ALMS1: variants seen among roughly 807,000 people sequenced by gnomAD.
The protein encoded by ALMS1 is centrosome-associated protein ALMS1.
A neutral mutation model predicts 352.2 loss-of-function variants in ALMS1; 271 were observed. That is an observed-to-expected ratio of 0.77 (90% confidence interval 0.70 to 0.85). The LOEUF is 0.85. Among genes scored for constraint, ALMS1 ranks in the 40% least tolerant of loss-of-function variants. The pLI is 0.00. For missense variants in ALMS1, 5,445 were observed against 4,870.7 expected (o/e 1.12, Z -3.51); for synonymous variants, 1,865 against 1,761.2 (o/e 1.06, Z -1.48).
Position 73,489,631 on chromosome 2 carries a change from T to C in ALMS1, c.7675-3T>C. On this transcript the variant is annotated splice_region_variant and splice_polypyrimidine_tract_variant and intron_variant, in intron 9 of 22. Coordinates refer to ENST00000613296, the MANE Select transcript of ALMS1 (RefSeq NM_001378454.1). ...TAAGAACCTGTTTGTTTGTATCTTC[T>C]AGGGTTTACAGAGTCCACGGGGAAT... 1 of 1,614,158 alleles carries C rather than the reference T, an allele frequency of 6.2e-7. No individual in the cohort carries two copies. The highest frequency in any genetic ancestry group is 8.5e-7 in the Non-Finnish European group (1 of 1,180,036).
At position 73,432,192 on chromosome 2, in the gene ALMS1, C is replaced by T. The variant is rs1553401597; in HGVS notation, c.1339-6C>T. On this transcript the variant is annotated splice_region_variant and splice_polypyrimidine_tract_variant and intron_variant, in intron 6 of 22. Transcript: ENST00000613296. Reference sequence around the variant, plus strand: ...ATTTTTATTGCCTTCATTTGTTCCACATAAGCCAACAAGAGAGTCGGAATA... The same window carrying T: ...ATTTTTATTGCCTTCATTTGTTCCATATAAGCCAACAAGAGAGTCGGAATA... The T allele has an allele frequency of 6.2e-7, 1 of 1,607,918 alleles. No individual in the cohort carries two copies. Among genetic ancestry groups the T allele is most frequent in the African/African-American group, 1.3e-5 (1 of 74,900 alleles).
At chr2:73,412,049 C>T (rs868439321) in intron 2 of ALMS1, among the ~76,000 whole-genome samples, 3 of 152,138 alleles carry the variant, frequency 2.0e-5, no homozygotes, top group African/African-American at 7.2e-5. Context: ...TTCCTGATAT[C>T]CTATGCTCAT....
chr2:73,453,473 T>G lies in ALMS1; in HGVS notation c.6946T>G (p.Leu2316Val), dbSNP rs1430520183. Residue 2316 changes from leucine to valine, a missense_variant, in exon 8 of 23, where the codon TTG becomes GTG. Coordinates refer to ENST00000613296, the MANE Select transcript of ALMS1 (RefSeq NM_001378454.1). ...PSSTGVSNGDLLHRQPFTEES... is the reference protein window; with the variant it reads ...PSSTGVSNGDVLHRQPFTEES... ...TTCCACGGGTGTATCTAATGGTGAT[T>G]TGCTTCACAGACAGCCATTCACAGA... The G allele has an allele frequency of 6.2e-7, 1 of 1,613,402 alleles. No homozygotes were observed. Among genetic ancestry groups the G allele is most frequent in the Non-Finnish European group, 8.5e-7 (1 of 1,179,678 alleles).
intron 14 of ALMS1, among the ~76,000 whole-genome samples, chr2:73,558,106 T>A (rs1034197287): frequency 6.6e-6 from 1 of 152,210 alleles, no homozygotes; most frequent in African/African-American, 2.4e-5. Flanking sequence ...TTTTGCATTC[T>A]ATTGGCCAGA....
intron 10 of ALMS1, among the ~76,000 whole-genome samples, chr2:73,500,331 T>C (rs1442918262): frequency 6.6e-6 from 1 of 152,194 alleles, no homozygotes; most frequent in Non-Finnish European, 1.5e-5. Flanking sequence ...GTTGTCTGTG[T>C]GTGTGCCTAG....
At chr2:73,429,434 A>G (rs1671458026) in intron 6 of ALMS1, among the ~76,000 whole-genome samples, 1 of 151,936 alleles carries the variant, frequency 6.6e-6, no homozygotes, top group African/African-American at 2.4e-5. Flanking sequence ...GGTGCCTGCC[A>G]CTATGCCTGG....
intron 6 of ALMS1, among the ~76,000 whole-genome samples, chr2:73,430,808 CACA>C (rs1264671356): frequency 6.6e-6 from 1 of 152,022 alleles, no homozygotes; most frequent in South Asian, 2.1e-4. Context: ...GTGATGTTTG[CACA>C]ACAACAAAAT....
rs749283920 is a variant in ALMS1 at position 73,519,871 on chromosome 2, C to T, written c.9636C>T (p.Thr3212=). Residue 3212 remains threonine (T), a synonymous_variant, in exon 11 of 23, where the codon ACC becomes ACT. Transcript: ENST00000613296. ...TQITTESPEK[T]LFSSEIFINA... is the part of the protein sequence containing the mutation. ...TAACAACAGAAAGTCCAGAAAAGAC[C>T]CTATTTTCATCTGAGATTTTTATTA... 3.1e-6 allele frequency: 5 copies of T among 1,613,868 alleles called. No individual in the cohort carries two copies. The highest frequency in any genetic ancestry group is 3.3e-5 in the Admixed American group (2 of 59,984).
At chr2:73,517,261 T>TTTTTTTTTTTTTC (rs1673579487) in intron 10 of ALMS1, among the ~76,000 whole-genome samples, 4 of 147,074 alleles carry the variant, frequency 2.7e-5, no homozygotes, top group Non-Finnish European at 5.9e-5. Flanking sequence ...TTTTTTTTTT[T>TTTTTTTTTTTTTC]TTCTTATAGA....
intron 12 of ALMS1, among the ~76,000 whole-genome samples, chr2:73,544,275 C>T (rs1392142038): frequency 6.6e-6 from 1 of 152,070 alleles, no homozygotes; most frequent in Non-Finnish European, 1.5e-5. Context: ...GACAAAAAAC[C>T]AAACACTGCA....
At position 73,505,567 on chromosome 2, in the gene ALMS1, G is replaced by C. The variant is rs568114587; in HGVS notation, c.9539+14069G>C. On this transcript the variant is annotated intron_variant, in intron 10 of 22. Coordinates refer to ENST00000613296, the MANE Select transcript of ALMS1 (RefSeq NM_001378454.1). ...CCTTCGCCCACTTTTTGATGGGGTTGTTTGTTTTTTTCTTGTACATTTGTT... is the reference window on the plus strand; with the variant it reads ...CCTTCGCCCACTTTTTGATGGGGTTCTTTGTTTTTTTCTTGTACATTTGTT... Among the ~76,000 whole-genome samples the C allele has an allele frequency of 2.0e-5, 3 of 152,158 alleles. No individual in the cohort carries two copies. In the East Asian group the frequency reaches 5.8e-4, roughly 29 times the overall value.
rs139252425 is a variant in ALMS1 at position 73,433,325 on chromosome 2, CAAAG to C, written c.1432+1036_1432+1039del. ...ATGGGTATGGTAGAAGGATAGCAGT[CAAAG>C]AGAGAAGAGTTGATCACCTATTGGT... On this transcript the variant is annotated intron_variant, in intron 7 of 22. Coordinates refer to ENST00000613296, the MANE Select transcript of ALMS1 (RefSeq NM_001378454.1). 8.4e-4 allele frequency among the ~76,000 whole-genome samples: 128 copies of C among 152,170 alleles called. No homozygotes were observed. The East Asian group carries it at 0.021, about 25-fold the overall frequency.
At chr2:73,586,273 T>G (rs1675309939) in intron 16 of ALMS1, among the ~76,000 whole-genome samples, 1 of 152,312 alleles carries the variant, frequency 6.6e-6, no homozygotes, top group Middle Eastern at 3.4e-3. Context: ...TTTATTTTTG[T>G]TTTTTGTTGC....
chr2:73,504,972 T>C (rs747758025), intron 10 of ALMS1, among the ~76,000 whole-genome samples: 4 of 151,948 alleles, frequency 2.6e-5, no homozygotes, highest in Non-Finnish European at 5.9e-5. Flanking sequence ...GAACATGGAG[T>C]GTTTGGTTTT....
chr2:73,586,823 G>A (rs993928405), intron 16 of ALMS1, among the ~76,000 whole-genome samples: 1 of 152,148 alleles, frequency 6.6e-6, no homozygotes, highest in Non-Finnish European at 1.5e-5. Flanking sequence ...CATTGAATAT[G>A]TAGATTGCTT....
intron 10 of ALMS1, among the ~76,000 whole-genome samples, chr2:73,505,261 T>C (rs1673297271): frequency 6.6e-6 from 1 of 152,222 alleles, no homozygotes; most frequent in African/African-American, 2.4e-5. Flanking sequence ...GCTGGTCAAA[T>C]GGTATTCTAG....
chr2:73,463,651 A>G (rs976011198), intron 9 of ALMS1, among the ~76,000 whole-genome samples: 2 of 127,134 alleles, frequency 1.6e-5, no homozygotes, highest in Non-Finnish European at 3.3e-5. Context: ...CAAAAAATTA[A>G]TGAATCCAGG....
intron 10 of ALMS1, among the ~76,000 whole-genome samples, chr2:73,507,770 A>G (rs565820593): frequency 7.9e-5 from 12 of 151,504 alleles, no homozygotes; most frequent in South Asian, 4.2e-4. Context: ...TCGTGTCTCT[A>G]TTTCCTTCAG....
At chr2:73,461,211 A>G (rs972134684) in intron 9 of ALMS1, among the ~76,000 whole-genome samples, 4 of 152,234 alleles carry the variant, frequency 2.6e-5, no homozygotes, top group Admixed American at 6.5e-5. Context: ...CTGACACCTC[A>G]CACGACCGGG....
Sources: gnomAD v4.1 joint callset for allele counts (sites outside exome capture counted in the v4.1 genomes callset) on GRCh38, gnomAD v4.1.1 for gene constraint, MANE v1.5 for transcripts, NCBI Gene and HGNC (gene_info 2026-07-23, HGNC 2026-07-21) for gene names.